The following ZBBX variants were observed in gnomAD, a reference collection of about 807,000 sequenced individuals.
ZBBX encodes zinc finger B-box domain-containing protein 1.
In ZBBX, 101 loss-of-function variants were observed where a neutral mutation model predicts 108.5. The observed-to-expected ratio is 0.93, with a 90% CI of 0.79 to 1.10. The LOEUF is 1.10. Among genes scored for constraint, ZBBX ranks in the 50% least tolerant of loss-of-function variants. The pLI is 0.00. For missense variants in ZBBX, 1,009 were observed against 941.4 expected, an observed-to-expected ratio of 1.07 and a Z score of -0.94; for synonymous variants, 356 against 323.4, an observed-to-expected ratio of 1.10 and a Z score of -1.08.
the ZBBX span, among the ~76,000 whole-genome samples, chr3:167,230,108 C>G: frequency 6.6e-6 from 1 of 151,738 alleles, no homozygotes; most frequent in Non-Finnish European, 1.5e-5. Flanking sequence ...GCATTTGGTG[C>G]CTCAGTTTTC....
intron 1 of ZBBX, among the ~76,000 whole-genome samples, chr3:167,400,181 T>C (rs1402008220): frequency 6.6e-6 from 1 of 152,160 alleles, no homozygotes; most frequent in African/African-American, 2.4e-5. Flanking sequence ...TGCATGTGTC[T>C]TTTTGGTAAA....
At position 167,348,219 on chromosome 3, in the gene ZBBX, A is replaced by AAGGAAGGG. The variant is rs1553832237; in HGVS notation, c.528+2200_528+2201insCCCTTCCT. On this transcript the variant is annotated intron_variant, in intron 9 of 21. Transcript: ENST00000675490. ...GAAAGAAGGAAGGAAGGAAGGAAGCAAGGGAGGGAGGAGGGAAGGAAGGGA... is the reference window on the plus strand; with the variant it reads ...GAAAGAAGGAAGGAAGGAAGGAAGCAAGGAAGGGAGGGAGGGAGGAGGGAAGGAAGGGA... 1.3e-3 allele frequency among the ~76,000 whole-genome samples: 151 copies of AAGGAAGGG among 115,060 alleles called. 2 individuals are homozygous for AAGGAAGGG. Among genetic ancestry groups the AAGGAAGGG allele is most frequent in the African/African-American group, 4.0e-3 (117 of 29,608 alleles). The allele number at this position is 115,060 out of a possible 152,430, so 75.5% of individuals were successfully genotyped here.
At chr3:167,275,949 C>A (rs1280581628) in intron 20 of ZBBX, among the ~76,000 whole-genome samples, 1 of 152,186 alleles carries the variant, frequency 6.6e-6, no homozygotes, top group African/African-American at 2.4e-5. Context: ...GGCAGACTGC[C>A]TCCTCAAGTG....
At chr3:167,326,602 C>T (rs1335947006) in intron 11 of ZBBX, among the ~76,000 whole-genome samples, 3 of 151,704 alleles carry the variant, frequency 2.0e-5, no homozygotes, top group African/African-American at 7.3e-5. Flanking sequence ...ATAATTAGTA[C>T]TTTTCAGAGT....
the ZBBX span, among the ~76,000 whole-genome samples, chr3:167,208,656 G>A: frequency 6.6e-6 from 1 of 152,200 alleles, no homozygotes; most frequent in East Asian, 1.9e-4. Flanking sequence ...ATGATCAGCA[G>A]TCATAGCCAC....
At chr3:167,360,566 G>T in intron 7 of ZBBX, 109 bp downstream of exon 7, 1 of 595,456 alleles carries the variant, frequency 1.7e-6, no homozygotes, top group Non-Finnish European at 2.5e-6. Flanking sequence ...TGGGGGTTTA[G>T]AATCTTTATA....
chr3:167,240,722 A>G lies in ZBBX; in HGVS notation c.*71T>C. The G allele has an allele frequency of 6.5e-7, 1 of 1,540,412 alleles. No individual in the cohort carries two copies. Among genetic ancestry groups the G allele is most frequent in the Non-Finnish European group, 8.8e-7 (1 of 1,136,046 alleles). ...ATCTCCAGCACTTGGATAGGTAATCACTTGGTTACTTTTCTCAGTTGTTTG... is the reference window on the plus strand; with the variant it reads ...ATCTCCAGCACTTGGATAGGTAATCGCTTGGTTACTTTTCTCAGTTGTTTG... On this transcript the variant is annotated 3_prime_UTR_variant, in exon 22 of 22. Coordinates refer to ENST00000675490, the MANE Select transcript of ZBBX (RefSeq NM_001199201.2).
intron 10 of ZBBX, chr3:167,331,537 T>C (rs1287606499): frequency 2.5e-5 from 25 of 984,100 alleles, no homozygotes; most frequent in Non-Finnish European, 2.9e-5. Context: ...TCAGACATTT[T>C]CATATTGGAG....
chr3:167,365,333 C>A (rs1306277815), intron 6 of ZBBX, among the ~76,000 whole-genome samples: 2 of 151,684 alleles, frequency 1.3e-5, no homozygotes, highest in African/African-American at 4.8e-5. Context: ...TATGTAAAGA[C>A]ACTTATCTGA....
At chr3:167,336,141 GTTTA>G (rs1739511217) in intron 9 of ZBBX, among the ~76,000 whole-genome samples, 2 of 151,784 alleles carry the variant, frequency 1.3e-5, no homozygotes, top group South Asian at 4.2e-4. Flanking sequence ...TCAAATATAT[GTTTA>G]TTTAAGTAAC....
intron 9 of ZBBX, among the ~76,000 whole-genome samples, chr3:167,348,370 A>AAGAAAGAAAG (rs1366052823): frequency 5.2e-5 from 7 of 133,984 alleles, no homozygotes; most frequent in African/African-American, 2.0e-4. Flanking sequence ...GAAAGAAAGA[A>AAGAAAGAAAG]AAAAAAGAAA....
At chr3:167,319,020 C>T (rs909370779) in intron 12 of ZBBX, among the ~76,000 whole-genome samples, 5 of 151,914 alleles carry the variant, frequency 3.3e-5, no homozygotes, top group African/African-American at 9.7e-5. Context: ...CAAAATGGTA[C>T]AGTCAATTTA....
At chr3:167,229,428 T>C in the ZBBX span, among the ~76,000 whole-genome samples, 42 of 152,028 alleles carry the variant, frequency 2.8e-4, no homozygotes, top group African/African-American at 8.7e-4. Context: ...GCAGAATTCA[T>C]ATTTTATTCA....
chr3:167,287,902 T>C (rs1389352755), intron 19 of ZBBX, among the ~76,000 whole-genome samples: 1 of 151,832 alleles, frequency 6.6e-6, no homozygotes, highest in Non-Finnish European at 1.5e-5. Flanking sequence ...AGCCAGAGAG[T>C]TTTAATCATA....
intron 9 of ZBBX, among the ~76,000 whole-genome samples, chr3:167,341,952 C>T (rs151309188): frequency 1.5e-4 from 22 of 151,700 alleles, no homozygotes; most frequent in Non-Finnish European, 3.0e-4. Flanking sequence ...ATGAACATAA[C>T]GTATATTACA....
At chr3:167,365,770 G>T in intron 6 of ZBBX, 116 bp downstream of exon 6, 2 of 506,356 alleles carry the variant, frequency 3.9e-6, no homozygotes, top group Non-Finnish European at 6.5e-6. Context: ...TGAATAATAT[G>T]CAAAGTTGTT....
At chr3:167,291,949 A>C (rs1414740585) in intron 18 of ZBBX, among the ~76,000 whole-genome samples, 1 of 152,210 alleles carries the variant, frequency 6.6e-6, no homozygotes, top group Admixed American at 6.5e-5. Flanking sequence ...AAAGATCAAA[A>C]GAGACGAAGA....
At chr3:167,359,640 T>C (rs1372490948) in intron 8 of ZBBX, among the ~76,000 whole-genome samples, 1 of 152,136 alleles carries the variant, frequency 6.6e-6, no homozygotes, top group African/African-American at 2.4e-5. Flanking sequence ...AGGTCTAAGC[T>C]GATGTCTTTA....
At chr3:167,385,032 A>T (rs1262946523), upstream of ZBBX, among the ~76,000 whole-genome samples, 1 of 152,098 alleles carries the variant, frequency 6.6e-6, no homozygotes. Flanking sequence ...AAAACAGAAC[A>T]CTTTATTTGA....
Sources: allele counts gnomAD v4.1 joint callset (sites outside exome capture counted in the v4.1 genomes callset), GRCh38; gene constraint gnomAD v4.1.1; transcripts MANE v1.5; gene names NCBI Gene and HGNC (gene_info 2026-07-23, HGNC 2026-07-21).